The following FAT3 variants were observed in gnomAD, a reference collection of about 807,000 sequenced individuals.
The protein encoded by FAT3 is FAT atypical cadherin 3, also known as protocadherin Fat 3.
In FAT3, 95 loss-of-function variants were observed where a neutral mutation model predicts 310.2. The ratio of observed to expected loss-of-function variants is 0.31; its 90% CI spans 0.26 to 0.36. The LOEUF is 0.36. Ranked by LOEUF, FAT3 falls within the 10% of genes least tolerant of loss-of-function variation. The pLI, the probability that FAT3 is intolerant of heterozygous loss-of-function variation, is 1.00. For synonymous variants in FAT3, 2,314 were observed against 2,192.9 expected (o/e 1.06, Z -1.54); for missense variants, 5,408 against 5,715.6 (o/e 0.95, Z 1.74).
chr11:92,386,222 A>T (rs931666024), intron 2 of FAT3, among the ~76,000 whole-genome samples: 2 of 152,230 alleles, frequency 1.3e-5, no homozygotes, highest in Non-Finnish European at 2.9e-5. Flanking sequence ...GTCAACAACC[A>T]AGAGGCAGTT....
chr11:92,333,481 A>G (rs923759478), intron 1 of FAT3, among the ~76,000 whole-genome samples: 1 of 152,166 alleles, frequency 6.6e-6, no homozygotes, highest in Admixed American at 6.5e-5. Context: ...TTAGTAAGTC[A>G]TCAGTGTCTG....
chr11:92,627,835 G>C (rs1941393754), intron 3 of FAT3, among the ~76,000 whole-genome samples: 1 of 152,154 alleles, frequency 6.6e-6, no homozygotes, highest in African/African-American at 2.4e-5. Context: ...AGGATGAGTT[G>C]ACATTAATCA....
intron 3 of FAT3, among the ~76,000 whole-genome samples, chr11:92,545,974 C>T (rs1361933996): frequency 6.6e-6 from 1 of 152,196 alleles, no homozygotes; most frequent in Non-Finnish European, 1.5e-5. Flanking sequence ...CACAGCTCTA[C>T]TAGAGAAATT....
chr11:92,860,221 G>T (rs1949087324), intron 21 of FAT3, among the ~76,000 whole-genome samples: 1 of 152,208 alleles, frequency 6.6e-6, no homozygotes, highest in Non-Finnish European at 1.5e-5. Context: ...CAGCTAATAT[G>T]ATAAGTTTGT....
intron 21 of FAT3, 50 bp from the exon 22 acceptor site, chr11:92,866,691 T>A: frequency 6.5e-7 from 1 of 1,533,270 alleles, no homozygotes; most frequent in Non-Finnish European, 8.8e-7. Context: ...GTAGGGAACA[T>A]ATTCCCAGTT....
At chr11:92,572,580 G>T (rs1371723003) in intron 3 of FAT3, among the ~76,000 whole-genome samples, 2 of 152,146 alleles carry the variant, frequency 1.3e-5, no homozygotes, top group African/African-American at 4.8e-5. Flanking sequence ...ATGTAGCAAT[G>T]CATTATTATA....
intron 2 of FAT3, among the ~76,000 whole-genome samples, chr11:92,400,039 G>A (rs1341491243): frequency 6.6e-6 from 1 of 152,152 alleles, no homozygotes; most frequent in Admixed American, 6.6e-5. Flanking sequence ...GCTTTCCTTG[G>A]CTCTTGCCCA....
At chr11:92,724,470 T>G (rs1944943644) in intron 4 of FAT3, among the ~76,000 whole-genome samples, 1 of 152,214 alleles carries the variant, frequency 6.6e-6, no homozygotes, top group Admixed American at 6.5e-5. Context: ...AGCTGCAAGA[T>G]TTGATGGATA....
chr11:92,632,401 G>A (rs1485612799), intron 3 of FAT3, among the ~76,000 whole-genome samples: 1 of 152,196 alleles, frequency 6.6e-6, no homozygotes, highest in African/African-American at 2.4e-5. Context: ...ACTAATGAGA[G>A]GCAAAATGGC....
chr11:92,843,857 T>G (rs1948609108), intron 18 of FAT3, 77 bp from the exon 19 acceptor site: 2 of 1,347,040 alleles, frequency 1.5e-6, no homozygotes, highest in African/African-American at 2.9e-5. Flanking sequence ...ACAGACGTCT[T>G]CTATCTGCGG....
At chr11:92,435,309 T>A (rs1393208533) in intron 2 of FAT3, among the ~76,000 whole-genome samples, 1 of 152,208 alleles carries the variant, frequency 6.6e-6, no homozygotes, top group Non-Finnish European at 1.5e-5. Context: ...CAGGTGCATT[T>A]ACCATACAGG....
intron 3 of FAT3, among the ~76,000 whole-genome samples, chr11:92,540,060 A>G (rs188982054): frequency 6.6e-6 from 1 of 152,106 alleles, no homozygotes; most frequent in Non-Finnish European, 1.5e-5. Flanking sequence ...CAAGGTTTTC[A>G]CTTGGACTGT....
chr11:92,282,170 A>G (rs1016348519), intron 1 of FAT3, among the ~76,000 whole-genome samples: 3 of 151,992 alleles, frequency 2.0e-5, no homozygotes, highest in African/African-American at 7.2e-5. Context: ...CCTCCCAAAG[A>G]CATTGTCCCT....
At chr11:92,758,777 G>A (rs780151071) in intron 4 of FAT3, among the ~76,000 whole-genome samples, 13 of 152,202 alleles carry the variant, frequency 8.5e-5, no homozygotes, top group African/African-American at 1.7e-4. Context: ...AGAAGAGTTG[G>A]CATGGGGTGA....
chr11:92,558,240 A>AT (rs1466764347), intron 3 of FAT3, among the ~76,000 whole-genome samples: 1 of 152,180 alleles, frequency 6.6e-6, no homozygotes, highest in Non-Finnish European at 1.5e-5. Flanking sequence ...ATAGGAATTT[A>AT]TTTTAGTAAC....
intron 2 of FAT3, among the ~76,000 whole-genome samples, chr11:92,486,123 T>A (rs1952377895): frequency 7.5e-6 from 1 of 133,240 alleles, no homozygotes; most frequent in Non-Finnish European, 1.6e-5. Context: ...GAGGAGAGGC[T>A]GCTGGGGTTT....
intron 2 of FAT3, among the ~76,000 whole-genome samples, chr11:92,383,998 A>G (rs1172738014): frequency 6.6e-6 from 1 of 152,174 alleles, no homozygotes; most frequent in African/African-American, 2.4e-5. Flanking sequence ...CTGAGATTAT[A>G]GGATATATTT....
At chr11:92,673,220 G>A (rs1943185520) in intron 3 of FAT3, among the ~76,000 whole-genome samples, 1 of 152,160 alleles carries the variant, frequency 6.6e-6, no homozygotes, top group South Asian at 2.1e-4. Flanking sequence ...TATAAGACCA[G>A]CTCATATTTG....
intron 3 of FAT3, among the ~76,000 whole-genome samples, chr11:92,652,442 G>C (rs1319606676): frequency 6.6e-6 from 1 of 152,180 alleles, no homozygotes; most frequent in East Asian, 1.9e-4. Context: ...AAGACACTTT[G>C]AAGAGATAAA....
Sources: gnomAD v4.1 joint callset for allele counts (sites outside exome capture counted in the v4.1 genomes callset) on GRCh38, gnomAD v4.1.1 for gene constraint, MANE v1.5 for transcripts, NCBI Gene and HGNC (gene_info 2026-07-23, HGNC 2026-07-21) for gene names.